The following RADIL variants were observed in gnomAD, a reference collection of about 807,000 sequenced individuals.
RADIL encodes ras-associating and dilute domain-containing protein.
In RADIL, 99 loss-of-function variants were observed where a neutral mutation model predicts 97.6. That is an observed-to-expected ratio of 1.01 (90% CI 0.86 to 1.20). The LOEUF (loss-of-function observed/expected upper bound fraction) is 1.20. RADIL is among the 50% of genes most tolerant of loss of function. The pLI is 0.00. For synonymous variants in RADIL, 803 were observed against 691.8 expected, an observed-to-expected ratio of 1.16 and a Z score of -2.52; for missense variants, 1,765 against 1,498.9, an observed-to-expected ratio of 1.18 and a Z score of -2.93.
At chr7:4,808,223 C>A (rs76655203) in intron 9 of RADIL, among the ~76,000 whole-genome samples, 4,575 of 149,290 alleles carry the variant, frequency 0.031, 205 homozygotes, top group African/African-American at 0.11. Flanking sequence ...CATCCCTCCG[C>A]CCCCTCTCTC....
chr7:4,800,759 C>T (rs73310597), intron 12 of RADIL, among the ~76,000 whole-genome samples: 5,861 of 152,292 alleles, frequency 0.038, 376 homozygotes, highest in African/African-American at 0.13. Context: ...TGAGGGCCAC[C>T]AGCTGGTGCC....
At chr7:4,868,413 G>C (rs1784178601) in intron 2 of RADIL, among the ~76,000 whole-genome samples, 1 of 152,158 alleles carries the variant, frequency 6.6e-6, no homozygotes, top group African/African-American at 2.4e-5. Flanking sequence ...GCAGCCTCTG[G>C]ATTAGCTATC....
At chr7:4,811,034 G>C (rs1268171289) in intron 9 of RADIL, among the ~76,000 whole-genome samples, 1 of 151,864 alleles carries the variant, frequency 6.6e-6, no homozygotes, top group East Asian at 1.9e-4. Context: ...CTACTCAAGA[G>C]GCCGAGGCAG....
At chr7:4,850,232 A>AAAAAAAC (rs2055900522) in intron 2 of RADIL, among the ~76,000 whole-genome samples, 3 of 151,562 alleles carry the variant, frequency 2.0e-5, no homozygotes, top group Non-Finnish European at 4.4e-5. Flanking sequence ...AAAAAAAAAA[A>AAAAAAAC]AAAAAACCTT....
At chr7:4,810,865 G>C (rs1583271721) in intron 9 of RADIL, among the ~76,000 whole-genome samples, 1 of 152,354 alleles carries the variant, frequency 6.6e-6, no homozygotes, top group East Asian at 1.9e-4. Context: ...GCCGGGCGTG[G>C]TGGCTCACAC....
At position 4,835,130 on chromosome 7, in the gene RADIL, C is replaced by T; in HGVS notation, c.893G>A (p.Cys298Tyr). The T allele has an allele frequency of 6.2e-7, 1 of 1,609,890 alleles. No homozygotes were observed. The highest frequency in any genetic ancestry group is 8.5e-7 in the Non-Finnish European group (1 of 1,178,628). Residue 298 changes from cysteine (C) to tyrosine (Y), a missense_variant, in exon 4 of 15, where the codon TGC becomes TAC. By Grantham distance (194) the Cys-to-Tyr change is radical. Transcript: ENST00000399583. The surrounding 1 kb of genome is among the most constrained non-coding windows in gnomAD (Gnocchi z 5.8). Reference protein sequence around the residue: ...LSAPDILPLHCTIRRQPLPDS... With the variant: ...LSAPDILPLHYTIRRQPLPDS... The stretch of plus-strand genomic sequence containing the variant: ...CGGGAGCGGTTGCCGGCGGATGGTG[C>T]AGTGTAGAGGCAGGATGTCGGGGGC...
chr7:4,801,941 C>T lies in RADIL; in HGVS notation c.2554G>A (p.Ala852Thr), dbSNP rs778376194. 4.5e-6 allele frequency: 7 copies of T among 1,565,054 alleles called. No homozygotes were observed. In the East Asian group the frequency reaches 1.1e-4, roughly 25 times the overall value. Residue 852 changes from alanine to threonine, a missense_variant, in exon 12 of 15, where the codon GCT becomes ACT. Ala to Thr is a moderately conservative substitution (Grantham distance 58). Transcript: ENST00000399583. ...GCTGCTGGGCCAGGGTCCCTGGGAG[C>T]CAGGGGGCAGCTCGGGGCCTCCAGG... ...GHLEAPSCPL[A>T]PRDPGPAARE...
At position 4,818,089 on chromosome 7, in the gene RADIL, A is replaced by G. The variant is rs1459577539; in HGVS notation, c.1616-738T>C. On this transcript the variant is annotated intron_variant, in intron 6 of 14. Coordinates refer to ENST00000399583, the MANE Select transcript of RADIL (RefSeq NM_018059.5). This position sits in a 1 kb window ranked among gnomAD's most constrained non-coding sequence, Gnocchi z 7.1. ...TTCTCTCCTGGGACTGTGGGCGGCCAACCACAGTGGTGTTCCCTGTCAGCC... is the reference window on the plus strand; with the variant it reads ...TTCTCTCCTGGGACTGTGGGCGGCCGACCACAGTGGTGTTCCCTGTCAGCC... Among the ~76,000 whole-genome samples, 1 of 152,180 alleles carries G rather than the reference A, an allele frequency of 6.6e-6. No homozygotes were observed.
At chr7:4,845,390 C>T in intron 2 of RADIL, among the ~76,000 whole-genome samples, 1 of 152,274 alleles carries the variant, frequency 6.6e-6, no homozygotes, top group African/African-American at 2.4e-5. Context: ...TGGGCTCCAG[C>T]CTGGGTGACA....
At chr7:4,861,993 A>C in intron 2 of RADIL, 18 of 438,366 alleles carry the variant, frequency 4.1e-5, no homozygotes, top group East Asian at 1.4e-4. Context: ...CAGCCCCAAC[A>C]TGGCGCCAGA....
At chr7:4,804,969 C>T (rs1782247037) in intron 10 of RADIL, among the ~76,000 whole-genome samples, 1 of 151,998 alleles carries the variant, frequency 6.6e-6, no homozygotes, top group Non-Finnish European at 1.5e-5. Flanking sequence ...TGGCGGACAC[C>T]TGTAATCCCA....
At chr7:4,803,467 G>A in intron 11 of RADIL, 79 bp downstream of exon 11, 1 of 1,270,890 alleles carries the variant, frequency 7.9e-7, no homozygotes, top group Non-Finnish European at 1.1e-6. Flanking sequence ...CCCTCCCCGG[G>A]CACCTCGGGG....
Position 4,878,254 on chromosome 7 carries a change from G to T in RADIL, c.-64-51C>A. ...GCGCCAACCATCGTGACCACCAAGA[G>T]CAAATGAGGCCACAGGCGGTGACTC... On this transcript the variant is annotated intron_variant, in intron 1 of 14. Coordinates refer to ENST00000399583, the MANE Select transcript of RADIL (RefSeq NM_018059.5). The surrounding 1 kb of genome is among the most constrained non-coding windows in gnomAD (Gnocchi z 4.1). 1 of 1,175,868 alleles carries T rather than the reference G, an allele frequency of 8.5e-7. No individual in the cohort carries two copies. The highest frequency in any genetic ancestry group is 1.2e-6 in the Non-Finnish European group (1 of 862,404). The allele number at this position is 1,175,868 out of a possible 1,614,324, so 72.8% of individuals were successfully genotyped here.
intron 2 of RADIL, among the ~76,000 whole-genome samples, chr7:4,868,591 A>G (rs1784183300): frequency 6.6e-6 from 1 of 152,098 alleles, no homozygotes; most frequent in African/African-American, 2.4e-5. Context: ...CCAGCTGCAA[A>G]CTTGTGCCAG....
Position 4,817,956 on chromosome 7 carries a change from G to C in RADIL, c.1616-605C>G, listed in dbSNP as rs943520606. ...CCCAACAGGGTGGAGCCTTCCCCGG[G>C]GGCTTCCAGAAAGTGAGGGAGCATG... On this transcript the variant is annotated intron_variant, in intron 6 of 14. Coordinates refer to ENST00000399583, the MANE Select transcript of RADIL (RefSeq NM_018059.5). The surrounding 1 kb of genome is among the most constrained non-coding windows in gnomAD (Gnocchi z 8.3). Among the ~76,000 whole-genome samples, 1 of 152,228 alleles carries C rather than the reference G, an allele frequency of 6.6e-6. No individual in the cohort carries two copies. Among genetic ancestry groups the C allele is most frequent in the Non-Finnish European group, 1.5e-5 (1 of 68,040 alleles).
rs1782594812 is a variant in RADIL, at chr7:4,813,254, C to CA, written c.2139+2023dup. On this transcript the variant is annotated intron_variant, in intron 9 of 14. Transcript: ENST00000399583. This position sits in a 1 kb window ranked among gnomAD's most constrained non-coding sequence, Gnocchi z 5.0. ...TCAACCTCCCAAGTAGCTGGCACTA[C>CA]AGGCGTTTGCCCCATGCCTGCCTCT... Among the ~76,000 whole-genome samples, 1 of 152,148 alleles carries CA rather than the reference C, an allele frequency of 6.6e-6. No homozygotes were observed. The highest frequency in any genetic ancestry group is 1.5e-5 in the Non-Finnish European group (1 of 68,046).
rs1245419971 is a variant in RADIL at position 4,831,332 on chromosome 7, G to A, written c.1454+809C>T. ...CACTTACAAGTGGGAGCTAAATGATGAGAACACATGGACACAGAGAGGTGA... is the reference window on the plus strand; with the variant it reads ...CACTTACAAGTGGGAGCTAAATGATAAGAACACATGGACACAGAGAGGTGA... On this transcript the variant is annotated intron_variant, in intron 5 of 14. Coordinates refer to ENST00000399583, the MANE Select transcript of RADIL (RefSeq NM_018059.5). Among the ~76,000 whole-genome samples, 5 of 151,980 alleles carry A rather than the reference G, an allele frequency of 3.3e-5. No individual in the cohort carries two copies. In the East Asian group the frequency reaches 7.7e-4, roughly 23 times the overall value.
intron 2 of RADIL, among the ~76,000 whole-genome samples, chr7:4,862,896 T>TG (rs1472811971): frequency 9.2e-6 from 1 of 109,150 alleles, no homozygotes; most frequent in African/African-American, 4.5e-5. Context: ...AAACTCTGTC[T>TG]CAAAAAAAAA....
intron 2 of RADIL, among the ~76,000 whole-genome samples, chr7:4,871,036 AT>A (rs1395533717): frequency 6.6e-6 from 1 of 152,236 alleles, no homozygotes; most frequent in Non-Finnish European, 1.5e-5. Context: ...TTCTCTTTGA[AT>A]TGGAAATGCT....
Sources: gnomAD v4.1 joint callset for allele counts (sites outside exome capture counted in the v4.1 genomes callset) on GRCh38, gnomAD v4.1.1 for gene constraint, Gnocchi (gnomAD v3.1) non-coding constraint, MANE v1.5 for transcripts, NCBI Gene and HGNC (gene_info 2026-07-23, HGNC 2026-07-21) for gene names.